Variants in AKAP3 observed in about 807,000 individuals in gnomAD.
The protein encoded by AKAP3 is A-kinase anchor protein 3.
A neutral mutation model predicts 57.2 loss-of-function variants in AKAP3; 27 were observed. The observed-to-expected ratio is 0.47, with a 90% CI of 0.35 to 0.65. The LOEUF (loss-of-function observed/expected upper bound fraction) is 0.65, where lower values mean the gene tolerates loss of function less well. Among genes scored for constraint, AKAP3 ranks in the 30% least tolerant of loss-of-function variants. The pLI, the probability that AKAP3 is intolerant of heterozygous loss-of-function variation, is 0.01. For missense variants in AKAP3, 959 were observed against 1,040.0 expected (o/e 0.92, Z 1.07); for synonymous variants, 334 against 392.3 (o/e 0.85, Z 1.76).
At position 4,615,895 on chromosome 12, in the gene AKAP3, C is replaced by G; in HGVS notation, c.2407-1G>C. Reference sequence around the variant, plus strand: ...CAGCAGCAGCTGAGAGCTGAAGTAGCTGTGAAAGGAAAGAAAACACCAGTG... The same window carrying G: ...CAGCAGCAGCTGAGAGCTGAAGTAGGTGTGAAAGGAAAGAAAACACCAGTG... On this transcript the variant is annotated splice_acceptor_variant, in intron 5 of 5. Coordinates refer to ENST00000228850, the MANE Select transcript of AKAP3 (RefSeq NM_001278309.2). LOFTEE classifies it high-confidence loss of function. The G allele has an allele frequency of 1.9e-6, 3 of 1,614,140 alleles. No individual in the cohort carries two copies. The highest frequency in any genetic ancestry group is 2.5e-6 in the Non-Finnish European group (3 of 1,179,986).
intron 4 of AKAP3, among the ~76,000 whole-genome samples, chr12:4,636,304 G>A (rs532490203): frequency 6.6e-6 from 1 of 152,242 alleles, no homozygotes; most frequent in South Asian, 2.1e-4. Flanking sequence ...GGCATGGCCC[G>A]TAGGACGAGA....
chr12:4,626,305 G>C (rs1945410949), intron 5 of AKAP3, among the ~76,000 whole-genome samples, 191 bp downstream of exon 5: 1 of 152,110 alleles, frequency 6.6e-6, no homozygotes. Flanking sequence ...GTTCCCCTTT[G>C]ATACGCCTTG....
intron 3 of AKAP3, among the ~76,000 whole-genome samples, chr12:4,640,899 T>G (rs1249444383): frequency 6.6e-6 from 1 of 152,068 alleles, no homozygotes; most frequent in Non-Finnish European, 1.5e-5. Flanking sequence ...ATTCTTAACA[T>G]TCTTAAATGC....
At chr12:4,616,702 G>A (rs977786220) in intron 5 of AKAP3, among the ~76,000 whole-genome samples, 8 of 152,156 alleles carry the variant, frequency 5.3e-5, no homozygotes, top group African/African-American at 1.9e-4. Flanking sequence ...ATAGCAGAAT[G>A]TAAATGAGAG....
intron 5 of AKAP3, among the ~76,000 whole-genome samples, chr12:4,622,198 T>C (rs1330588822): frequency 1.3e-5 from 2 of 152,202 alleles, no homozygotes; most frequent in African/African-American, 4.8e-5. Flanking sequence ...AAAATGGTCA[T>C]ATTGCCCAAA....
chr12:4,641,374 T>C (rs1245717628), intron 3 of AKAP3, among the ~76,000 whole-genome samples: 1 of 152,144 alleles, frequency 6.6e-6, no homozygotes, highest in Non-Finnish European at 1.5e-5. Flanking sequence ...GCTCCACATC[T>C]GGCTAATTTT....
At position 4,628,801 on chromosome 12, in the gene AKAP3, G is replaced by C. The variant is rs372584198; in HGVS notation, c.101C>G (p.Thr34Ser). The C allele has an allele frequency of 1.0e-5, 16 of 1,598,430 alleles. No individual in the cohort carries two copies. In the African/African-American group the frequency reaches 1.9e-4, roughly 19 times the overall value. The change falls in exon 5 of 6, where the codon ACC becomes AGC. Residue 34 changes from threonine (T) to serine (S), a missense_variant. Physicochemically the swap from Thr to Ser is moderately conservative, Grantham distance 58. Transcript: ENST00000228850. ...DNQAQDWKMD[T>S]STDPVRVLSW... Reference sequence around the variant, plus strand: ...GAGCACTCTGACAGGATCCGTGGAGGTGTCCTTAAAAATAGACAAGGATTC... The same window carrying C: ...GAGCACTCTGACAGGATCCGTGGAGCTGTCCTTAAAAATAGACAAGGATTC...
chr12:4,631,350 T>C (rs1945495772), intron 4 of AKAP3: 2 of 701,574 alleles, frequency 2.9e-6, no homozygotes, highest in African/African-American at 1.7e-5. Flanking sequence ...TGTGCTCACA[T>C]GGAAGGAGAA....
intron 5 of AKAP3, among the ~76,000 whole-genome samples, chr12:4,622,719 G>A (rs1284028125): frequency 6.6e-6 from 1 of 152,112 alleles, no homozygotes; most frequent in Non-Finnish European, 1.5e-5. Context: ...ATAGGAACCG[G>A]CAAAGATTTC....
In AKAP3 at chr12:4,626,614, T is replaced by A; in HGVS notation, c.2288A>T (p.Asn763Ile). Reference sequence around the variant, plus strand: ...CTTGTTCTGAACTGTGTCCGTTAGGTTGTGATTGCTGACAATCACCGTGGG... The same window carrying A: ...CTTGTTCTGAACTGTGTCCGTTAGGATGTGATTGCTGACAATCACCGTGGG... ...AAPTVIVSNH[N>I]LTDTVQNKQL... is the part of the protein sequence containing the mutation. Residue 763 changes from asparagine (N) to isoleucine (I), a missense_variant, in exon 5 of 6, where the codon AAC (asparagine) becomes ATC (isoleucine). Transcript: ENST00000228850. The A allele has an allele frequency of 6.2e-7, 1 of 1,614,226 alleles. No homozygotes were observed. Among genetic ancestry groups the A allele is most frequent in the Non-Finnish European group, 8.5e-7 (1 of 1,180,024 alleles).
chr12:4,630,880 T>G (rs1945489507), intron 4 of AKAP3, among the ~76,000 whole-genome samples: 1 of 152,238 alleles, frequency 6.6e-6, no homozygotes, highest in South Asian at 2.1e-4. Flanking sequence ...ACCAGTTCCT[T>G]GTTAATGAGT....
rs747933651 is a variant in AKAP3 at position 4,627,158 on chromosome 12, G to C, written c.1744C>G (p.Gln582Glu). Reference sequence around the variant, plus strand: ...AGGTCCTTCTTTTCTGCTTGTTCTTGGTCACCTACAATGGGAGCAGACTTA... The same window carrying C: ...AGGTCCTTCTTTTCTGCTTGTTCTTCGTCACCTACAATGGGAGCAGACTTA... ...CLKSAPIVGD[Q>E]EQAEKKDLRS... is the part of the protein sequence containing the mutation. The change falls in exon 5 of 6, where the codon CAA (glutamine) becomes GAA (glutamate). Residue 582 changes from glutamine to glutamate, a missense_variant. Transcript: ENST00000228850. The C allele has an allele frequency of 4.3e-6, 7 of 1,614,050 alleles. No homozygotes were observed. In the East Asian group the frequency reaches 1.6e-4, roughly 36 times the overall value.
At chr12:4,629,615 C>T (rs1399208718) in intron 4 of AKAP3, among the ~76,000 whole-genome samples, 4 of 152,152 alleles carry the variant, frequency 2.6e-5, no homozygotes, top group Non-Finnish European at 5.9e-5. Context: ...TGCACATGTA[C>T]CCCTGAACTT....
chr12:4,620,792 A>G (rs773567622), intron 5 of AKAP3, among the ~76,000 whole-genome samples: 1 of 152,224 alleles, frequency 6.6e-6, no homozygotes, highest in African/African-American at 2.4e-5. Context: ...AGTCTAGCAC[A>G]CACTATTACA....
chr12:4,639,050 T>G (rs1263966261), intron 3 of AKAP3, among the ~76,000 whole-genome samples: 1 of 152,238 alleles, frequency 6.6e-6, no homozygotes, highest in African/African-American at 2.4e-5. Flanking sequence ...ACATATTGCT[T>G]ATACCTGCTG....
Position 4,627,651 on chromosome 12 carries a change from G to A in AKAP3, c.1251C>T (p.Asn417=), listed in dbSNP as rs1472204840. 4 of 1,613,974 alleles carry A rather than the reference G, an allele frequency of 2.5e-6. No individual in the cohort carries two copies. Among genetic ancestry groups the A allele is most frequent in the East Asian group, 4.5e-5 (2 of 44,880 alleles). ...ATTTCATGGCAAAGTTCACATTTCG[G>A]TTTTTAGGATCACCCATTCCTTTCA... ...ISMKGMGDPK[N]RNVNFAMKSE... is the part of the protein sequence containing the mutation. Residue 417 remains asparagine, a synonymous_variant, in exon 5 of 6, where the codon AAC becomes AAT. Coordinates refer to ENST00000228850, the MANE Select transcript of AKAP3 (RefSeq NM_001278309.2).
chr12:4,621,157 A>G (rs1348891913), intron 5 of AKAP3, among the ~76,000 whole-genome samples: 4 of 152,106 alleles, frequency 2.6e-5, no homozygotes, highest in Non-Finnish European at 5.9e-5. Context: ...AAAAGAATAT[A>G]AAGAAAATAT....
intron 3 of AKAP3, among the ~76,000 whole-genome samples, chr12:4,639,624 T>A (rs372266367): frequency 3.2e-4 from 46 of 142,382 alleles, no homozygotes; most frequent in African/African-American, 9.4e-4. Flanking sequence ...CCCCGCCCTG[T>A]GTCTAAGTGT....
Position 4,628,277 on chromosome 12 carries a change from G to C in AKAP3, c.625C>G (p.Pro209Ala). Residue 209 changes from proline to alanine, a missense_variant, in exon 5 of 6, where the codon CCC becomes GCC. By Grantham distance (27) the Pro-to-Ala change is conservative. Transcript: ENST00000228850. ...GDRVSGSSQSPPNLKYKSTLK... is the reference protein window; with the variant it reads ...GDRVSGSSQSAPNLKYKSTLK... ...GTGGACTTGTATTTCAAATTTGGGG[G>C]ACTTTGTGATGATCCCGAGACTCTG... The C allele has an allele frequency of 6.2e-7, 1 of 1,614,062 alleles. No homozygotes were observed. The highest frequency in any genetic ancestry group is 1.6e-4 in the Middle Eastern group (1 of 6,062).
Sources: gnomAD v4.1 joint callset for allele counts (sites outside exome capture counted in the v4.1 genomes callset) on GRCh38, gnomAD v4.1.1 for gene constraint, MANE v1.5 for transcripts, NCBI Gene and HGNC (gene_info 2026-07-23, HGNC 2026-07-21) for gene names.